KCTD17: variants seen among roughly 807,000 people sequenced by gnomAD.
The protein encoded by KCTD17 is potassium channel tetramerization domain containing 17.
In KCTD17, 20 loss-of-function variants were observed where a neutral mutation model predicts 41.5. The observed-to-expected ratio is 0.48, with a 90% confidence interval of 0.34 to 0.70. The LOEUF (loss-of-function observed/expected upper bound fraction) is 0.70. Ranked by LOEUF, KCTD17 falls within the 30% of genes least tolerant of loss-of-function variation. KCTD17 has a pLI of 0.01. For synonymous variants in KCTD17, 156 were observed against 173.8 expected (o/e 0.90, Z 0.80); for missense variants, 317 against 427.2 (o/e 0.74, Z 2.27).
In KCTD17 at chr22:37,062,658, C is replaced by T. The variant is rs991870958; in HGVS notation, c.*64C>T. The T allele has an allele frequency of 2.5e-5, 39 of 1,566,396 alleles. No individual in the cohort carries two copies. Among genetic ancestry groups the T allele is most frequent in the East Asian group, 4.7e-5 (2 of 42,364 alleles). ...TGAGAAGGAAGAAGCACCCTCTCCC[C>T]GGCCTCCTCTGTCTGCACCCGTGGG... is the stretch of plus-strand genomic sequence containing the variant. On this transcript the variant is annotated 3_prime_UTR_variant, in exon 9 of 9. Coordinates refer to ENST00000403888, the MANE Select transcript of KCTD17 (RefSeq NM_001282684.2).
In KCTD17 at chr22:37,053,439, A is replaced by T. The variant is rs1924728366; in HGVS notation, c.298+231A>T. 6.6e-6 allele frequency among the ~76,000 whole-genome samples: 1 copy of T among 152,202 alleles called. No homozygotes were observed. Among genetic ancestry groups the T allele is most frequent in the South Asian group, 2.1e-4 (1 of 4,834 alleles). On this transcript the variant is annotated intron_variant, in intron 2 of 8. Transcript: ENST00000403888. This position sits in a 1 kb window ranked among gnomAD's most constrained non-coding sequence, Gnocchi z 4.1. ...GGTACTGTCAGGGAGGTGAAGAGAC[A>T]CATGTGCAGGGGATAGAGGAAGTCA...
rs550231152 is a variant in KCTD17, at chr22:37,062,721, C to G, written c.*127C>G. Reference sequence around the variant, plus strand: ...TCCTGCCTCCAGGGGCGGGGCGGGGCCCCCCTGGGACCTCTTAAGGCCCAA... The same window carrying G: ...TCCTGCCTCCAGGGGCGGGGCGGGGGCCCCCTGGGACCTCTTAAGGCCCAA... On this transcript the variant is annotated 3_prime_UTR_variant, in exon 9 of 9. Transcript: ENST00000403888. 2,156 of 1,499,454 alleles carry G rather than the reference C, an allele frequency of 1.4e-3. 22 individuals carry two copies. The African/African-American group carries it at 0.023, about 16-fold the overall frequency. 92.9% of individuals were successfully genotyped at this position (1,499,454 alleles called of 1,614,324 possible).
intron 1 of KCTD17, chr22:37,052,179 T>G: frequency 1.9e-6 from 1 of 529,160 alleles, no homozygotes; most frequent in Non-Finnish European, 3.1e-6. Context: ...CATTAGAAGC[T>G]CTCCAGCCGC....
chr22:37,059,264 G>T, intron 4 of KCTD17, 49 bp from the exon 5 acceptor site: 1 of 1,605,878 alleles, frequency 6.2e-7, no homozygotes, highest in South Asian at 1.1e-5. Context: ...CCTGCCCCAC[G>T]GCCCCCAACA....
intron 4 of KCTD17, among the ~76,000 whole-genome samples, chr22:37,057,848 T>A (rs1394527853): frequency 6.6e-6 from 1 of 151,924 alleles, no homozygotes; most frequent in Non-Finnish European, 1.5e-5. Flanking sequence ...GTGAGTGGAG[T>A]CCACATTGAG....
chr22:37,060,968 C>T (rs1233865151), intron 6 of KCTD17, 46 bp downstream of exon 6: 1 of 1,538,364 alleles, frequency 6.5e-7, no homozygotes, highest in Non-Finnish European at 8.8e-7. Flanking sequence ...AAGCCGGAGC[C>T]TCCCGCCCAC....
chr22:37,058,014 G>A (rs771757247), intron 4 of KCTD17, among the ~76,000 whole-genome samples: 17 of 152,230 alleles, frequency 1.1e-4, no homozygotes, highest in African/African-American at 2.9e-4. Context: ...TATGGTGAAC[G>A]GTGGTTCCTC....
rs575339586 is a variant in KCTD17, at chr22:37,061,477, G to A, written c.785-62G>A. 261 of 1,549,280 alleles carry A rather than the reference G, an allele frequency of 1.7e-4. No homozygotes were observed. Among genetic ancestry groups the A allele is most frequent in the Non-Finnish European group, 2.2e-4 (250 of 1,151,404 alleles). ...CCGGGCACCTCTGAGACTGGGCCCT[G>A]GCTGCAGGCCCTGCCCCCCCTCCTC... is the stretch of plus-strand genomic sequence containing the variant. On this transcript the variant is annotated intron_variant, in intron 7 of 8. Transcript: ENST00000403888. This position sits in a 1 kb window ranked among gnomAD's most constrained non-coding sequence, Gnocchi z 6.6.
rs777231939 is a variant in KCTD17, at chr22:37,061,366, G to A, written c.785-173G>A. On this transcript the variant is annotated intron_variant, in intron 7 of 8. Transcript: ENST00000403888. This position sits in a 1 kb window ranked among gnomAD's most constrained non-coding sequence, Gnocchi z 6.6. The stretch of plus-strand genomic sequence containing the variant: ...TGCATCCCAGAGCGTCCTGCCTGCC[G>A]CCTCCTGCGCCCCTTCTGGTACCTC... 878 of 1,473,208 alleles carry A rather than the reference G, an allele frequency of 6.0e-4. 1 individual carries two copies. The highest frequency in any genetic ancestry group is 7.5e-4 in the Non-Finnish European group (837 of 1,113,922). 91.3% of individuals were successfully genotyped at this position (1,473,208 alleles called of 1,614,324 possible). A position where few individuals can be genotyped will look rare whatever the true frequency, so the allele number is the denominator to read the frequency against.
At chr22:37,058,536 CAGAG>C (rs1568985106) in intron 4 of KCTD17, among the ~76,000 whole-genome samples, 1 of 152,242 alleles carries the variant, frequency 6.6e-6, no homozygotes, top group African/African-American at 2.4e-5. Flanking sequence ...CTGCAACACT[CAGAG>C]AGGACTTGGG....
intron 4 of KCTD17, 25 bp downstream of exon 4, chr22:37,057,518 A>T: frequency 6.3e-7 from 1 of 1,584,708 alleles, no homozygotes; most frequent in Non-Finnish European, 8.6e-7. Flanking sequence ...GGGGCGTGCC[A>T]CCAGGACAAC....
Position 37,051,853 on chromosome 22 carries a change from G to A in KCTD17, c.93G>A (p.Gly31=), listed in dbSNP as rs956007175. 4 of 1,470,606 alleles carry A rather than the reference G, an allele frequency of 2.7e-6. No homozygotes were observed. In the African/African-American group the frequency reaches 4.4e-5, roughly 16 times the overall value. The allele number at this position is 1,470,606 out of a possible 1,614,324, so 91.1% of individuals were successfully genotyped here. The change falls in exon 1 of 9, where the codon GGG becomes GGA. Residue 31 remains glycine, a synonymous_variant. Transcript: ENST00000403888. ...GCAAGTGGGTGCGGCTCAACGTGGGGGGCACGGTGTTCCTGACCACCCGGC... is the reference window on the plus strand; with the variant it reads ...GCAAGTGGGTGCGGCTCAACGTGGGAGGCACGGTGTTCCTGACCACCCGGC... ...GWGKWVRLNV[G]GTVFLTTRQT... is the part of the protein sequence containing the mutation.
intron 1 of KCTD17, chr22:37,052,372 G>A (rs1340693111): frequency 7.9e-6 from 3 of 379,204 alleles, no homozygotes; most frequent in Non-Finnish European, 1.6e-5. Context: ...GCCCTGGGGC[G>A]CCTTCTGAGC....
chr22:37,062,434 C>T, intron 8 of KCTD17, 91 bp from the exon 9 acceptor site: 4 of 1,459,058 alleles, frequency 2.7e-6, no homozygotes, highest in Non-Finnish European at 2.7e-6. Flanking sequence ...CGTCAATCTC[C>T]TCTCCGCCCC....
At position 37,051,805 on chromosome 22, in the gene KCTD17, C is replaced by A; in HGVS notation, c.45C>A (p.Gly15=). The A allele has an allele frequency of 1.6e-6, 2 of 1,268,198 alleles. No homozygotes were observed. Among genetic ancestry groups the A allele is most frequent in the Non-Finnish European group, 9.9e-7 (1 of 1,007,988 alleles). The allele number at this position is 1,268,198 out of a possible 1,614,324, so 78.6% of individuals were successfully genotyped here. The change falls in exon 1 of 9, where the codon GGC becomes GGA. Residue 15 remains glycine, a synonymous_variant. Coordinates refer to ENST00000403888, the MANE Select transcript of KCTD17 (RefSeq NM_001282684.2). The part of the protein sequence containing the change: ...AGEAAPPAGA[G]GRAAGGWGKW... ...AGGCAGCGCCGCCGGCGGGGGCGGGCGGCCGCGCCGCAGGCGGCTGGGGCA... is the reference window on the plus strand; with the variant it reads ...AGGCAGCGCCGCCGGCGGGGGCGGGAGGCCGCGCCGCAGGCGGCTGGGGCA...
rs1007451736 is a variant in KCTD17, at chr22:37,059,524, C to T, written c.612+86C>T. On this transcript the variant is annotated intron_variant, in intron 5 of 8. Coordinates refer to ENST00000403888, the MANE Select transcript of KCTD17 (RefSeq NM_001282684.2). ...GCCTGTCCCGCCCCTGCGCCTGCACCATCCCTCCACCTCTCTCCCGCCACC... is the reference window on the plus strand; with the variant it reads ...GCCTGTCCCGCCCCTGCGCCTGCACTATCCCTCCACCTCTCTCCCGCCACC... The T allele has an allele frequency of 6.9e-6, 10 of 1,458,148 alleles. No individual in the cohort carries two copies. The African/African-American group carries it at 1.3e-4, about 18-fold the overall frequency. The allele number at this position is 1,458,148 out of a possible 1,614,324, so 90.3% of individuals were successfully genotyped here.
At chr22:37,059,281 T>C in intron 4 of KCTD17, 32 bp from the exon 5 acceptor site, 2 of 1,609,292 alleles carry the variant, frequency 1.2e-6, no homozygotes, top group Non-Finnish European at 8.5e-7. Flanking sequence ...AACACCAACC[T>C]GCATTTTTCT....
chr22:37,062,764 C>T lies in KCTD17; in HGVS notation c.*170C>T. 1.4e-6 allele frequency: 2 copies of T among 1,405,294 alleles called. No individual in the cohort carries two copies. Among genetic ancestry groups the T allele is most frequent in the Non-Finnish European group, 1.9e-6 (2 of 1,068,740 alleles). 87.1% of individuals were successfully genotyped at this position (1,405,294 alleles called of 1,614,324 possible). A position where few individuals can be genotyped will look rare whatever the true frequency, so the allele number is the denominator to read the frequency against. ...AGGCCCAAGGTGGGCCCCAGGACCT[C>T]TGGGCAGAGTGGACTGCTCATGGCA... On this transcript the variant is annotated 3_prime_UTR_variant, in exon 9 of 9. Transcript: ENST00000403888.
chr22:37,055,596 G>A (rs532347604), intron 2 of KCTD17, among the ~76,000 whole-genome samples: 1 of 152,326 alleles, frequency 6.6e-6, no homozygotes, highest in African/African-American at 2.4e-5. Context: ...TCACTGGTGG[G>A]CTGACTTCTT....
Sources: gnomAD v4.1 joint callset for allele counts (sites outside exome capture counted in the v4.1 genomes callset) on GRCh38, gnomAD v4.1.1 for gene constraint, Gnocchi (gnomAD v3.1) non-coding constraint, MANE v1.5 for transcripts, NCBI Gene and HGNC (gene_info 2026-07-23, HGNC 2026-07-21) for gene names.